The following CCDC90B variants were observed in gnomAD, a reference collection of about 807,000 sequenced individuals.
The protein encoded by CCDC90B is coiled-coil domain-containing protein 90B, mitochondrial.
A neutral mutation model predicts 37.0 loss-of-function variants in CCDC90B; 24 were observed. The ratio of observed to expected loss-of-function variants is 0.65; its 90% CI spans 0.47 to 0.91. The LOEUF is 0.91. CCDC90B is among the 40% of genes least tolerant of loss of function. The pLI is 0.00. For missense variants in CCDC90B, 319 were observed against 299.0 expected (o/e 1.07, Z -0.49); for synonymous variants, 113 against 101.1 (o/e 1.12, Z -0.71).
chr11:83,285,324 G>A, intron 1 of CCDC90B: 2 of 1,203,116 alleles, frequency 1.7e-6, no homozygotes, highest in Non-Finnish European at 2.1e-6. Flanking sequence ...CCTGTTAACA[G>A]GGGTGCCAAC....
intron 1 of CCDC90B, among the ~76,000 whole-genome samples, chr11:83,282,753 C>T (rs916028417): frequency 1.3e-5 from 2 of 152,152 alleles, no homozygotes; most frequent in African/African-American, 4.8e-5. Context: ...CCTGATGACT[C>T]CTTTAGGTTA....
At position 83,273,963 on chromosome 11, in the gene CCDC90B, C is replaced by A. The variant is rs1555007367; in HGVS notation, c.456G>T (p.Lys152Asn). ...EKMKIELDQVKQQLMHETSRI... is the reference protein window; with the variant it reads ...EKMKIELDQVNQQLMHETSRI... ...AAAATTCACTTACCATTAGTTGTTG[C>A]TTAACTTGGTCTAATTCAATTTTCA... The change falls in exon 5 of 9, where the codon AAG becomes AAT. Residue 152 changes from lysine to asparagine, a missense_variant. Lys to Asn is a moderately conservative substitution (Grantham distance 94). Transcript: ENST00000529689. The A allele has an allele frequency of 6.3e-6, 10 of 1,586,358 alleles. No individual in the cohort carries two copies. Among genetic ancestry groups the A allele is most frequent in the Non-Finnish European group, 8.6e-6 (10 of 1,167,838 alleles).
In CCDC90B at chr11:83,286,268, G is replaced by C. The variant is rs1446144175; in HGVS notation, c.-296C>G. The C allele has an allele frequency of 7.2e-7, 1 of 1,390,114 alleles. No individual in the cohort carries two copies. Among genetic ancestry groups the C allele is most frequent in the Admixed American group, 2.1e-5 (1 of 46,736 alleles). The allele number at this position is 1,390,114 out of a possible 1,614,324, so 86.1% of individuals were successfully genotyped here. A position where few individuals can be genotyped will look rare whatever the true frequency, so the allele number is the denominator to read the frequency against. ...CGAGATCTTGTCAGAGAACCTTCCG[G>C]CGCCTGTTTCCTGGCAGTGGGGCAT... On this transcript the variant is annotated 5_prime_UTR_variant, in exon 1 of 9. Coordinates refer to ENST00000529689, the MANE Select transcript of CCDC90B (RefSeq NM_021825.5).
At chr11:83,285,711 G>A (rs536788844) in intron 1 of CCDC90B, 162 bp downstream of exon 1, 303 of 1,436,974 alleles carry the variant, frequency 2.1e-4, no homozygotes, top group Non-Finnish European at 2.6e-4. Flanking sequence ...GGGCGAGCTG[G>A]GCAAGTCGGG....
rs891532446 is a variant in CCDC90B, at chr11:83,260,475, A to T, written c.*1436T>A. On this transcript the variant is annotated 3_prime_UTR_variant, in exon 9 of 9. Transcript: ENST00000529689. ...AAAATGAATCAGAATGTAACAGGAT[A>T]ATGTCAAGGTTTTTCTTTTGAAAAC... 6.6e-6 allele frequency: 1 copy of T among 152,336 alleles called. No individual in the cohort carries two copies. The highest frequency in any genetic ancestry group is 1.9e-4 in the East Asian group (1 of 5,184). The allele number at this position is 152,336 out of a possible 1,614,324, so 9.4% of individuals were successfully genotyped here. A position where few individuals can be genotyped will look rare whatever the true frequency, so the allele number is the denominator to read the frequency against.
chr11:83,282,642 G>T (rs1363940533), intron 1 of CCDC90B, among the ~76,000 whole-genome samples: 1 of 152,094 alleles, frequency 6.6e-6, no homozygotes, highest in Non-Finnish European at 1.5e-5. Flanking sequence ...CCTTCTCAGG[G>T]CCTTTGCCTA....
At chr11:83,285,536 C>T (rs996909861) in intron 1 of CCDC90B, 3 of 1,173,026 alleles carry the variant, frequency 2.6e-6, no homozygotes, top group East Asian at 5.8e-5. Context: ...AACAGGACAC[C>T]CTCAAACACA....
At position 83,286,089 on chromosome 11, in the gene CCDC90B, C is replaced by T. The variant is rs182521163; in HGVS notation, c.-117G>A. ...CTGGGAATTGTAGTTTTCGCTCTGT[C>T]ACAAGCTCACCTCCCAGCGCAGGCG... On this transcript the variant is annotated 5_prime_UTR_variant, in exon 1 of 9. Transcript: ENST00000529689. The T allele has an allele frequency of 5.5e-5, 84 of 1,537,554 alleles. No individual in the cohort carries two copies. The African/African-American group carries it at 8.7e-4, about 16-fold the overall frequency.
intron 2 of CCDC90B, among the ~76,000 whole-genome samples, chr11:83,279,894 T>C (rs1865283201): frequency 6.6e-6 from 1 of 152,230 alleles, no homozygotes; most frequent in Non-Finnish European, 1.5e-5. Flanking sequence ...TAGTTTTTTT[T>C]CACTTAATTG....
chr11:83,270,145 G>C (rs1304920079), intron 7 of CCDC90B, among the ~76,000 whole-genome samples: 1 of 152,130 alleles, frequency 6.6e-6, no homozygotes, highest in Non-Finnish European at 1.5e-5. Flanking sequence ...GGTATTGATG[G>C]AACGTATCTC....
chr11:83,273,914 G>A (rs778743119), intron 5 of CCDC90B, 37 bp downstream of exon 5: 2 of 1,590,482 alleles, frequency 1.3e-6, no homozygotes, highest in Non-Finnish European at 1.7e-6. Flanking sequence ...ACGAATATTT[G>A]TTCTGAAATT....
intron 2 of CCDC90B, 27 bp downstream of exon 2, chr11:83,280,114 C>T (rs1188694644): frequency 6.2e-7 from 1 of 1,601,544 alleles, no homozygotes; most frequent in Non-Finnish European, 8.5e-7. Context: ...TAATTTTCTT[C>T]TTTCAGGAGG....
rs926696961 is a variant in CCDC90B, at chr11:83,278,909, C to T, written c.221-80G>A. The T allele has an allele frequency of 9.6e-6, 7 of 727,700 alleles. No homozygotes were observed. The African/African-American group carries it at 1.1e-4, about 11-fold the overall frequency. 45.1% of individuals were successfully genotyped at this position (727,700 alleles called of 1,614,324 possible). Reference sequence around the variant, plus strand: ...ATAGACAGCAAGAGTAACTCCTCAACATTTAAATTGTTATACTCTTTTAAA... The same window carrying T: ...ATAGACAGCAAGAGTAACTCCTCAATATTTAAATTGTTATACTCTTTTAAA... On this transcript the variant is annotated intron_variant, in intron 2 of 8. Coordinates refer to ENST00000529689, the MANE Select transcript of CCDC90B (RefSeq NM_021825.5).
At chr11:83,277,407 T>C (rs899811344) in intron 3 of CCDC90B, among the ~76,000 whole-genome samples, 4 of 152,196 alleles carry the variant, frequency 2.6e-5, no homozygotes, top group African/African-American at 9.6e-5. Context: ...AAGTTAAATG[T>C]AGGGATTGAA....
chr11:83,286,286 T>G lies in CCDC90B; in HGVS notation c.-314A>C, dbSNP rs534501004. 8.3e-7 allele frequency: 1 copy of G among 1,204,136 alleles called. No homozygotes were observed. The highest frequency in any genetic ancestry group is 1.4e-5 in the South Asian group (1 of 71,080). The allele number at this position is 1,204,136 out of a possible 1,614,324, so 74.6% of individuals were successfully genotyped here. ...CCTTCCGGCGCCTGTTTCCTGGCAGTGGGGCATAGTCCAACAGCTGGCTCC... is the reference window on the plus strand; with the variant it reads ...CCTTCCGGCGCCTGTTTCCTGGCAGGGGGGCATAGTCCAACAGCTGGCTCC... On this transcript the variant is annotated 5_prime_UTR_variant, in exon 1 of 9. Coordinates refer to ENST00000529689, the MANE Select transcript of CCDC90B (RefSeq NM_021825.5).
intron 3 of CCDC90B, among the ~76,000 whole-genome samples, chr11:83,275,952 A>G (rs1190921196): frequency 6.6e-6 from 1 of 152,226 alleles, no homozygotes; most frequent in South Asian, 2.1e-4. Context: ...GATGTTAGCT[A>G]TTATTATTAC....
At chr11:83,273,188 C>T (rs1179222534) in intron 7 of CCDC90B, 1 of 151,508 alleles carries the variant, frequency 6.6e-6, no homozygotes, top group East Asian at 1.9e-4. Flanking sequence ...AACCTAGGCA[C>T]TCATTTAAGT....
chr11:83,259,276 C>T lies in CCDC90B; in HGVS notation c.*2635G>A, dbSNP rs971481792. On this transcript the variant is annotated 3_prime_UTR_variant, in exon 9 of 9. Coordinates refer to ENST00000529689, the MANE Select transcript of CCDC90B (RefSeq NM_021825.5). Reference sequence around the variant, plus strand: ...GCATATAGAAACACAATCCTCTCATCCTTATTTCATATATTTCCATCACTG... The same window carrying T: ...GCATATAGAAACACAATCCTCTCATTCTTATTTCATATATTTCCATCACTG... The T allele has an allele frequency of 6.6e-6, 1 of 152,148 alleles. No homozygotes were observed. Among genetic ancestry groups the T allele is most frequent in the African/African-American group, 2.4e-5 (1 of 41,428 alleles). The allele number at this position is 152,148 out of a possible 1,614,324, so 9.4% of individuals were successfully genotyped here.
chr11:83,264,805 G>C (rs946356943), intron 8 of CCDC90B, among the ~76,000 whole-genome samples: 14 of 152,034 alleles, frequency 9.2e-5, no homozygotes, highest in African/African-American at 3.1e-4. Context: ...CATGTCCTTT[G>C]TAGGGACATG....
Sources: gnomAD v4.1 joint callset for allele counts (sites outside exome capture counted in the v4.1 genomes callset) on GRCh38, gnomAD v4.1.1 for gene constraint, MANE v1.5 for transcripts, NCBI Gene and HGNC (gene_info 2026-07-23, HGNC 2026-07-21) for gene names.